UNC93A: variants seen among roughly 807,000 people sequenced by gnomAD.
The protein encoded by UNC93A is N-acetylglucosamine transporter UNC93A.
A neutral mutation model predicts 47.5 loss-of-function variants in UNC93A; 43 were observed. That is an observed-to-expected ratio of 0.91 (90% CI 0.71 to 1.17). The LOEUF (loss-of-function observed/expected upper bound fraction) is 1.17, where lower values mean the gene tolerates loss of function less well. Ranked by LOEUF, UNC93A falls within the 50% of genes most tolerant of loss-of-function variation. UNC93A has a pLI of 0.00. For synonymous variants in UNC93A, 280 were observed against 258.0 expected, an observed-to-expected ratio of 1.09 and a Z score of -0.82; for missense variants, 605 against 577.6, an observed-to-expected ratio of 1.05 and a Z score of -0.49.
At chr6:167,275,446 C>T (rs1583057822) in intron 1 of UNC93A, among the ~76,000 whole-genome samples, 1 of 152,238 alleles carries the variant, frequency 6.6e-6, no homozygotes, top group Admixed American at 6.5e-5. Flanking sequence ...CAGGAGCTGG[C>T]ACTCTCCACA....
chr6:167,285,774 A>G (rs1025351202), intron 1 of UNC93A, among the ~76,000 whole-genome samples: 2 of 151,622 alleles, frequency 1.3e-5, no homozygotes, highest in Non-Finnish European at 2.9e-5. Context: ...TCTTTCTACA[A>G]CAATTCCTTT....
rs77335671 is a variant in UNC93A, at chr6:167,302,873, T to C, written c.626-1046T>C. ...GTGGAAAATTCCAGAAATAAATAATTCATAAGGTTTAAGTTGCGCTTGTTC... is the reference window on the plus strand; with the variant it reads ...GTGGAAAATTCCAGAAATAAATAATCCATAAGGTTTAAGTTGCGCTTGTTC... On this transcript the variant is annotated intron_variant, in intron 4 of 7. Transcript: ENST00000230256. 2.0e-4 allele frequency among the ~76,000 whole-genome samples: 31 copies of C among 152,244 alleles called. 1 individual carries two copies. The East Asian group carries it at 6.0e-3, about 29-fold the overall frequency.
chr6:167,313,473 G>A (rs1291636828), intron 7 of UNC93A, among the ~76,000 whole-genome samples: 2 of 151,974 alleles, frequency 1.3e-5, no homozygotes, highest in Non-Finnish European at 2.9e-5. Flanking sequence ...ATTGGCCTTG[G>A]ACCAACCAGA....
intron 4 of UNC93A, among the ~76,000 whole-genome samples, chr6:167,299,202 G>GTATATATA (rs3046657): frequency 6.8e-6 from 1 of 147,342 alleles, no homozygotes; most frequent in African/African-American, 2.5e-5. Flanking sequence ...ATTTCTATAT[G>GTATATATA]TATATATATA....
At chr6:167,285,625 A>G (rs185440979) in intron 1 of UNC93A, among the ~76,000 whole-genome samples, 2 of 151,640 alleles carry the variant, frequency 1.3e-5, no homozygotes, top group African/African-American at 2.4e-5. Flanking sequence ...AGGTGACGGC[A>G]TCTGGTACCT....
chr6:167,314,884 G>C (rs1778649469), intron 7 of UNC93A, among the ~76,000 whole-genome samples: 1 of 152,094 alleles, frequency 6.6e-6, no homozygotes, highest in African/African-American at 2.4e-5. Flanking sequence ...TGTCTCCCTA[G>C]AGTGTATAAA....
At chr6:167,290,057 A>G (rs557213797), upstream of UNC93A, among the ~76,000 whole-genome samples, 4 of 152,240 alleles carry the variant, frequency 2.6e-5, no homozygotes, top group Admixed American at 2.6e-4. Context: ...AAAATTATCC[A>G]AGTCTTGAAC....
intron 2 of UNC93A, among the ~76,000 whole-genome samples, 176 bp downstream of exon 2, chr6:167,294,874 C>T (rs1778009250): frequency 6.6e-6 from 1 of 152,098 alleles, no homozygotes; most frequent in Admixed American, 6.5e-5. Context: ...GCTGGGCTTC[C>T]TTCCTGTTTT....
At chr6:167,278,805 C>T (rs1210288490) in intron 1 of UNC93A, among the ~76,000 whole-genome samples, 1 of 152,156 alleles carries the variant, frequency 6.6e-6, no homozygotes, top group East Asian at 1.9e-4. Context: ...AGCCAGGGCT[C>T]ACCCGGCTCT....
At chr6:167,301,531 C>T (rs1399468178) in intron 4 of UNC93A, among the ~76,000 whole-genome samples, 1 of 152,176 alleles carries the variant, frequency 6.6e-6, no homozygotes, top group African/African-American at 2.4e-5. Flanking sequence ...AAGTTTCTTG[C>T]AAAGAGCCAT....
chr6:167,307,656 G>C, intron 6 of UNC93A, 123 bp from the exon 7 acceptor site: 1 of 1,133,466 alleles, frequency 8.8e-7, no homozygotes, highest in South Asian at 1.6e-5. Context: ...TGGTTGAGAC[G>C]GTTCCAGAGG....
chr6:167,285,777 A>G (rs910515235), intron 1 of UNC93A, among the ~76,000 whole-genome samples: 30 of 151,584 alleles, frequency 2.0e-4, no homozygotes, highest in African/African-American at 7.3e-4. Flanking sequence ...TTCTACAACA[A>G]TTCCTTTATA....
chr6:167,294,892 A>G (rs1252293898), intron 2 of UNC93A, among the ~76,000 whole-genome samples, 194 bp downstream of exon 2: 2 of 151,728 alleles, frequency 1.3e-5, no homozygotes, highest in African/African-American at 4.8e-5. Context: ...TTTCCCACCA[A>G]GGCTCCTCTG....
chr6:167,306,882 TGG>T (rs1468719535), intron 6 of UNC93A, among the ~76,000 whole-genome samples: 8 of 152,168 alleles, frequency 5.3e-5, no homozygotes. Flanking sequence ...TGAGCGTCAA[TGG>T]GCAGCCTCAT....
chr6:167,288,153 C>T (rs542844605), upstream of UNC93A, among the ~76,000 whole-genome samples: 1 of 152,260 alleles, frequency 6.6e-6, no homozygotes, highest in East Asian at 1.9e-4. Context: ...GCCAGGCTTG[C>T]CACACGATGG....
intron 1 of UNC93A, among the ~76,000 whole-genome samples, chr6:167,279,009 G>A (rs56116069): frequency 0.21 from 32,324 of 152,096 alleles, 3,672 homozygotes; most frequent in African/African-American, 0.28. Flanking sequence ...TCTTTGCTTC[G>A]AATTTTGAAA....
chr6:167,306,044 G>T lies in UNC93A; in HGVS notation c.970G>T (p.Val324Leu). The change falls in exon 6 of 8, where the codon GTG becomes TTG. Residue 324 changes from valine (V) to leucine (L), a missense_variant. Transcript: ENST00000230256. ...GTACACGGGCAGGGCTGTGCTGTAC[G>T]TGCTGGGTAGGTATCAGCGTGGGTC... The part of the protein sequence containing the change: ...SQYTGRAVLY[V>L]LGAVTHVSCM... 1 of 1,614,152 alleles carries T rather than the reference G, an allele frequency of 6.2e-7. No individual in the cohort carries two copies. The highest frequency in any genetic ancestry group is 8.5e-7 in the Non-Finnish European group (1 of 1,180,032).
intron 1 of UNC93A, among the ~76,000 whole-genome samples, chr6:167,282,337 C>T (rs531621746): frequency 6.6e-6 from 1 of 152,184 alleles, no homozygotes; most frequent in African/African-American, 2.4e-5. Flanking sequence ...AAGAGGTCAT[C>T]ACACACCTGA....
intron 1 of UNC93A, among the ~76,000 whole-genome samples, chr6:167,285,140 T>G (rs1362842764): frequency 6.6e-6 from 1 of 151,868 alleles, no homozygotes; most frequent in Admixed American, 6.6e-5. Context: ...CACATAGGTG[T>G]GTGGTTACCT....
Sources: gnomAD v4.1 joint callset for allele counts (sites outside exome capture counted in the v4.1 genomes callset) on GRCh38, gnomAD v4.1.1 for gene constraint, MANE v1.5 for transcripts, NCBI Gene and HGNC (gene_info 2026-07-23, HGNC 2026-07-21) for gene names.